Variants in PRKG1 observed in about 807,000 individuals in gnomAD.
PRKG1 encodes protein kinase cGMP-dependent 1.
Under a neutral mutation model 88.1 loss-of-function variants are expected in PRKG1, and 35 were observed. That is an observed-to-expected ratio of 0.40 (90% CI 0.30 to 0.53). The LOEUF (loss-of-function observed/expected upper bound fraction) is 0.53, where lower values mean the gene tolerates loss of function less well. PRKG1 is among the 20% of genes least tolerant of loss of function. The pLI, the probability that PRKG1 is intolerant of heterozygous loss-of-function variation, is 0.59. For synonymous variants in PRKG1, 303 were observed against 292.5 expected, an observed-to-expected ratio of 1.04 and a Z score of -0.37; for missense variants, 540 against 839.8, an observed-to-expected ratio of 0.64 and a Z score of 4.41.
Position 51,935,413 on chromosome 10 carries a change from C to T in PRKG1, c.762+27843C>T, listed in dbSNP as rs1014372391. On this transcript the variant is annotated intron_variant, in intron 5 of 17. Transcript: ENST00000373980. ...AACACAAGAGCAATTATTGGAGAGG[C>T]GATTCAATTCGGTAAACAGTTACCG... Among the ~76,000 whole-genome samples, 8 of 151,998 alleles carry T rather than the reference C, an allele frequency of 5.3e-5. No homozygotes were observed. The East Asian group carries it at 5.8e-4, about 11-fold the overall frequency.
chr10:51,865,837 T>A (rs1445941009), intron 4 of PRKG1, among the ~76,000 whole-genome samples: 1 of 152,060 alleles, frequency 6.6e-6, no homozygotes, highest in Non-Finnish European at 1.5e-5. Context: ...CTGTATTACT[T>A]TATTTGAATT....
chr10:51,146,190 A>G (rs1845944632), intron 1 of PRKG1, among the ~76,000 whole-genome samples: 1 of 148,356 alleles, frequency 6.7e-6, no homozygotes, highest in Admixed American at 6.7e-5. Context: ...CTCTGTCTCA[A>G]AAAAAAAAAA....
chr10:51,716,532 A>G (rs1280775821), intron 3 of PRKG1, among the ~76,000 whole-genome samples: 1 of 152,180 alleles, frequency 6.6e-6, no homozygotes, highest in Admixed American at 6.5e-5. Flanking sequence ...ACTTACCTTA[A>G]TAACCCAGCA....
At chr10:52,196,075 C>T (rs1032251455) in intron 9 of PRKG1, among the ~76,000 whole-genome samples, 1 of 152,056 alleles carries the variant, frequency 6.6e-6, no homozygotes, top group African/African-American at 2.4e-5. Flanking sequence ...TGCAGTGGCA[C>T]GATCTCGGCT....
chr10:51,429,345 A>C (rs1838691294), intron 2 of PRKG1, among the ~76,000 whole-genome samples: 2 of 152,328 alleles, frequency 1.3e-5, no homozygotes, highest in South Asian at 4.1e-4. Flanking sequence ...ATAAAATATC[A>C]AAGTAAACAA....
chr10:51,785,584 C>A (rs1838707741), intron 3 of PRKG1, among the ~76,000 whole-genome samples: 1 of 152,106 alleles, frequency 6.6e-6, no homozygotes, highest in South Asian at 2.1e-4. Flanking sequence ...TTTCACAATA[C>A]TAAGTGGAGA....
intron 1 of PRKG1, among the ~76,000 whole-genome samples, chr10:51,076,671 G>T (rs775899501): frequency 2.0e-5 from 3 of 152,196 alleles, no homozygotes; most frequent in Non-Finnish European, 4.4e-5. Flanking sequence ...AGTAGGGAAT[G>T]AGCTATACAA....
chr10:52,060,498 TA>T (rs1472582917), intron 6 of PRKG1, among the ~76,000 whole-genome samples: 2 of 151,578 alleles, frequency 1.3e-5, no homozygotes, highest in African/African-American at 2.4e-5. Context: ...ATCAGTCCAA[TA>T]GAAAAATTGG....
In PRKG1 at chr10:52,193,548, C is replaced by CAAAAAAAA. The variant is rs34730000; in HGVS notation, c.1076+31592_1076+31599dup. 7.5e-4 allele frequency among the ~76,000 whole-genome samples: 32 copies of CAAAAAAAA among 42,832 alleles called. 3 individuals carry two copies. Among genetic ancestry groups the CAAAAAAAA allele is most frequent in the African/African-American group, 2.2e-3 (30 of 13,540 alleles). 28.1% of individuals were successfully genotyped at this position (42,832 alleles called of 152,430 possible). ...GAACAAAAAGAGTGAGACTCTGTCTCAAAAAAAAAAAAAACAAAAAAAAAA... is the reference window on the plus strand; with the variant it reads ...GAACAAAAAGAGTGAGACTCTGTCTCAAAAAAAAAAAAAAAAAAAAAACAAAAAAAAAA... On this transcript the variant is annotated intron_variant, in intron 9 of 17. Transcript: ENST00000373980.
intron 9 of PRKG1, among the ~76,000 whole-genome samples, chr10:52,196,566 G>A (rs184771224): frequency 1.3e-5 from 2 of 152,214 alleles, no homozygotes; most frequent in Admixed American, 1.3e-4. Context: ...TACCAACAAC[G>A]AAAGATACTC....
At chr10:51,257,492 T>TCAG (rs1839595159) in intron 2 of PRKG1, among the ~76,000 whole-genome samples, 2 of 152,106 alleles carry the variant, frequency 1.3e-5, no homozygotes. Flanking sequence ...TGACTTAAAG[T>TCAG]TTGAATGTAT....
chr10:51,346,412 G>A (rs563156808), intron 2 of PRKG1, among the ~76,000 whole-genome samples: 2 of 152,304 alleles, frequency 1.3e-5, no homozygotes, highest in African/African-American at 4.8e-5. Context: ...ACATTCTAGT[G>A]AGAGTTATAA....
intron 2 of PRKG1, among the ~76,000 whole-genome samples, chr10:51,465,833 C>A (rs1408681662): frequency 6.6e-6 from 1 of 152,102 alleles, no homozygotes; most frequent in African/African-American, 2.4e-5. Flanking sequence ...AATCATACCT[C>A]CATATAAATT....
chr10:51,760,028 C>CT (rs1246510918), intron 3 of PRKG1, among the ~76,000 whole-genome samples: 1 of 152,186 alleles, frequency 6.6e-6, no homozygotes, highest in Admixed American at 6.5e-5. Flanking sequence ...TACTGGAACT[C>CT]TATCTGCCTG....
chr10:51,576,053 A>G (rs1837877139), intron 3 of PRKG1, among the ~76,000 whole-genome samples: 1 of 151,970 alleles, frequency 6.6e-6, no homozygotes, highest in Non-Finnish European at 1.5e-5. Flanking sequence ...CTTGGCTAAG[A>G]TATTACATCA....
intron 1 of PRKG1, among the ~76,000 whole-genome samples, chr10:50,999,673 G>C (rs1013206823): frequency 6.6e-6 from 1 of 152,168 alleles, no homozygotes; most frequent in African/African-American, 2.4e-5. Flanking sequence ...ATATGGTACT[G>C]TTATTGTCTA....
At chr10:52,055,697 A>G (rs1250441743) in intron 6 of PRKG1, among the ~76,000 whole-genome samples, 1 of 152,192 alleles carries the variant, frequency 6.6e-6, no homozygotes, top group Non-Finnish European at 1.5e-5. Context: ...ATATCTCTGC[A>G]TGTACTAAGT....
intron 2 of PRKG1, among the ~76,000 whole-genome samples, chr10:51,278,290 C>T (rs981794805): frequency 5.3e-5 from 8 of 152,114 alleles, no homozygotes; most frequent in Non-Finnish European, 8.8e-5. Context: ...AGCCTTGCAT[C>T]CCAGGGATGA....
intron 2 of PRKG1, among the ~76,000 whole-genome samples, chr10:51,451,757 T>A (rs1588971291): frequency 6.6e-6 from 1 of 152,076 alleles, no homozygotes; most frequent in Admixed American, 6.6e-5. Context: ...CAATAAGTAT[T>A]TGTATCATCA....
Sources: gnomAD v4.1 joint callset for allele counts (sites outside exome capture counted in the v4.1 genomes callset) on GRCh38, gnomAD v4.1.1 for gene constraint, MANE v1.5 for transcripts, NCBI Gene and HGNC (gene_info 2026-07-23, HGNC 2026-07-21) for gene names.